Variants in CYB5A observed in about 807,000 individuals in gnomAD.
CYB5A encodes the protein cytochrome b5 type A.
CYB5A carries 10 observed loss-of-function variants against 16.2 expected under a neutral mutation model. That is an observed-to-expected ratio of 0.62 (90% confidence interval 0.38 to 1.04). The LOEUF (loss-of-function observed/expected upper bound fraction) is 1.04. Ranked by LOEUF, CYB5A falls within the 50% of genes least tolerant of loss-of-function variation. The pLI is 0.01. For missense variants in CYB5A, 161 were observed against 165.9 expected (o/e 0.97, Z 0.16); for synonymous variants, 62 against 57.0 (o/e 1.09, Z -0.40).
chr18:74,287,954 C>A (rs1983378565), intron 1 of CYB5A, among the ~76,000 whole-genome samples: 1 of 152,092 alleles, frequency 6.6e-6, no homozygotes, highest in African/African-American at 2.4e-5. Flanking sequence ...TATGATCAAG[C>A]AAAGACTCAA....
chr18:74,256,659 G>A (rs1981994697), intron 3 of CYB5A: 2 of 628,140 alleles, frequency 3.2e-6, no homozygotes, highest in Admixed American at 3.0e-5. Context: ...CCATAAATAA[G>A]ACAGCTTCAG....
At chr18:74,278,467 A>C (rs948617849) in intron 1 of CYB5A, among the ~76,000 whole-genome samples, 1 of 152,112 alleles carries the variant, frequency 6.6e-6, no homozygotes, top group African/African-American at 2.4e-5. Flanking sequence ...AGTCCCTGGC[A>C]CAGTTCCTGG....
In CYB5A at chr18:74,251,394, G is replaced by A. The variant is rs2145030194; in HGVS notation, c.*2190C>T. ...TGAAGCAAAGGCAGGAAGACTCAAA[G>A]CAGGAGGGAGCTTCCAGGTCACAGA... On this transcript the variant is annotated 3_prime_UTR_variant, in exon 5 of 5. Coordinates refer to ENST00000340533, the MANE Select transcript of CYB5A (RefSeq NM_148923.4). 6.6e-6 allele frequency: 1 copy of A among 152,438 alleles called. No homozygotes were observed. Among genetic ancestry groups the A allele is most frequent in the South Asian group, 2.1e-4 (1 of 4,826 alleles). 9.4% of individuals were successfully genotyped at this position (152,438 alleles called of 1,614,324 possible).
intron 1 of CYB5A, among the ~76,000 whole-genome samples, chr18:74,279,224 G>C (rs1325148067): frequency 1.3e-5 from 2 of 152,210 alleles, no homozygotes; most frequent in Non-Finnish European, 2.9e-5. Flanking sequence ...TCTTAAGCTG[G>C]AATGGCCAAA....
In CYB5A at chr18:74,253,586, A is replaced by G. The variant is rs1429459385; in HGVS notation, c.403T>C (p.Ter135ArgextTer73). Reference sequence around the variant, plus strand: ...TGCGCTGACTTCTGAGGAGGTGTTCAGTCCTCTGCCATGTATAGGCGATAC... The same window carrying G: ...TGCGCTGACTTCTGAGGAGGTGTTCGGTCCTCTGCCATGTATAGGCGATAC... ...LMYRLYMAED[*>R] The change falls in exon 5 of 5, where the codon TGA (stop) becomes CGA (arginine). Residue 135 changes from the stop codon to arginine (R), a stop_lost. Transcript: ENST00000340533. 2 of 1,610,128 alleles carry G rather than the reference A, an allele frequency of 1.2e-6. No individual in the cohort carries two copies. The highest frequency in any genetic ancestry group is 1.7e-5 in the Admixed American group (1 of 60,002).
At chr18:74,290,041 GT>G (rs1313247336) in intron 1 of CYB5A, among the ~76,000 whole-genome samples, 4 of 152,114 alleles carry the variant, frequency 2.6e-5, no homozygotes, top group African/African-American at 9.7e-5. Context: ...AGCACACACT[GT>G]ATCTTAAAAT....
chr18:74,262,885 C>CA (rs1412589218), intron 2 of CYB5A, among the ~76,000 whole-genome samples: 2 of 152,226 alleles, frequency 1.3e-5, no homozygotes, highest in East Asian at 3.9e-4. Flanking sequence ...TGTGGGGGCT[C>CA]ACGCCTGTAA....
At chr18:74,264,613 A>C (rs1332269043) in intron 1 of CYB5A, among the ~76,000 whole-genome samples, 1 of 152,190 alleles carries the variant, frequency 6.6e-6, no homozygotes, top group Non-Finnish European at 1.5e-5. Context: ...AAACAAAACA[A>C]AACAAGTAAC....
intron 4 of CYB5A, 71 bp downstream of exon 4, chr18:74,255,670 A>G (rs1981947798): frequency 8.0e-7 from 1 of 1,248,894 alleles, no homozygotes; most frequent in Non-Finnish European, 1.2e-6. Context: ...AAGGTGGGGG[A>G]CGCACCTTGT....
intron 1 of CYB5A, among the ~76,000 whole-genome samples, chr18:74,270,880 T>TG (rs1174526902): frequency 6.6e-6 from 1 of 152,226 alleles, no homozygotes; most frequent in African/African-American, 2.4e-5. Flanking sequence ...CTAAGATTCA[T>TG]GGATCTGTCT....
chr18:74,283,515 C>T (rs750517056), intron 1 of CYB5A, among the ~76,000 whole-genome samples: 4 of 152,198 alleles, frequency 2.6e-5, no homozygotes, highest in Non-Finnish European at 5.9e-5. Flanking sequence ...TAGAAGGCAA[C>T]ATAGTAAACT....
At chr18:74,266,352 G>A (rs1179442899) in intron 1 of CYB5A, among the ~76,000 whole-genome samples, 1 of 152,136 alleles carries the variant, frequency 6.6e-6, no homozygotes. Context: ...CGTAGGGACC[G>A]CTGAACTCAG....
intron 1 of CYB5A, among the ~76,000 whole-genome samples, chr18:74,276,135 C>T (rs1005482568): frequency 6.6e-6 from 1 of 152,084 alleles, no homozygotes; most frequent in Non-Finnish European, 1.5e-5. Context: ...TGACTCCAAA[C>T]GGTAGGGTGA....
intron 2 of CYB5A, among the ~76,000 whole-genome samples, chr18:74,262,062 C>CT (rs1982224025): frequency 6.6e-6 from 1 of 152,182 alleles, no homozygotes; most frequent in Non-Finnish European, 1.5e-5. Flanking sequence ...AGCGATTTTC[C>CT]TGATAACTTA....
intron 1 of CYB5A, among the ~76,000 whole-genome samples, chr18:74,275,112 C>T (rs922752580): frequency 1.1e-4 from 17 of 152,162 alleles, no homozygotes; most frequent in Admixed American, 9.8e-4. Flanking sequence ...TCGAAGAGAG[C>T]GTCAACACCT....
intron 1 of CYB5A, among the ~76,000 whole-genome samples, chr18:74,290,541 G>A (rs1353478480): frequency 1.3e-5 from 2 of 152,070 alleles, no homozygotes; most frequent in African/African-American, 4.8e-5. Context: ...CACCGTGCTT[G>A]GCCCAGCCTC....
At chr18:74,266,041 C>T (rs1373061924) in intron 1 of CYB5A, among the ~76,000 whole-genome samples, 1 of 152,146 alleles carries the variant, frequency 6.6e-6, no homozygotes, top group Admixed American at 6.5e-5. Context: ...AGGCATTCCC[C>T]AATTTACTGA....
chr18:74,262,889 C>T (rs1982265729), intron 2 of CYB5A, among the ~76,000 whole-genome samples: 1 of 152,160 alleles, frequency 6.6e-6, no homozygotes, highest in Non-Finnish European at 1.5e-5. Context: ...GGGGCTCACG[C>T]CTGTAATCCC....
At chr18:74,270,832 C>A (rs935508961) in intron 1 of CYB5A, among the ~76,000 whole-genome samples, 7 of 152,170 alleles carry the variant, frequency 4.6e-5, no homozygotes, top group Non-Finnish European at 1.0e-4. Context: ...CTCCCTGGAG[C>A]ACACCTAGTG....
Sources: allele counts gnomAD v4.1 joint callset (sites outside exome capture counted in the v4.1 genomes callset), GRCh38; gene constraint gnomAD v4.1.1; transcripts MANE v1.5; gene names NCBI Gene and HGNC (gene_info 2026-07-23, HGNC 2026-07-21).